VPS13D: variants seen among roughly 807,000 people sequenced by gnomAD.
VPS13D encodes the protein intermembrane lipid transfer protein VPS13D.
A neutral mutation model predicts 461.9 loss-of-function variants in VPS13D; 187 were observed. The observed-to-expected ratio is 0.40, with a 90% CI of 0.36 to 0.46. VPS13D has a LOEUF of 0.46. Ranked by LOEUF, VPS13D falls within the 20% of genes least tolerant of loss-of-function variation. VPS13D has a pLI of 0.60. For synonymous variants in VPS13D, 1,951 were observed against 1,986.3 expected, an observed-to-expected ratio of 0.98 and a Z score of 0.47; for missense variants, 4,711 against 5,364.9, an observed-to-expected ratio of 0.88 and a Z score of 3.81.
Position 12,244,527 on chromosome 1 carries a change from G to T in VPS13D, c.367-10G>T, listed in dbSNP as rs766531114. On this transcript the variant is annotated splice_polypyrimidine_tract_variant and intron_variant, in intron 4 of 69. Coordinates refer to ENST00000620676, the MANE Select transcript of VPS13D (RefSeq NM_015378.4). ...CTAGATTGAGCTAATGCTGACTCTT[G>T]TCTTTGTAGAATGACCGCCAGCAGA... 39 of 1,614,066 alleles carry T rather than the reference G, an allele frequency of 2.4e-5. No individual in the cohort carries two copies. The highest frequency in any genetic ancestry group is 3.1e-5 in the Non-Finnish European group (37 of 1,180,008).
Position 12,308,424 on chromosome 1 carries a change from C to A in VPS13D, c.6440-7C>A. The A allele has an allele frequency of 1.9e-6, 3 of 1,614,064 alleles. No individual in the cohort carries two copies. The highest frequency in any genetic ancestry group is 2.5e-6 in the Non-Finnish European group (3 of 1,180,012). On this transcript the variant is annotated splice_polypyrimidine_tract_variant and splice_region_variant and intron_variant, in intron 26 of 69. Coordinates refer to ENST00000620676, the MANE Select transcript of VPS13D (RefSeq NM_015378.4). ...TTCATTACCTCTCTTTCCTTGGGTC[C>A]TTGTAGAAGACCATGTCTGCCTGCT...
rs751982470 is a variant in VPS13D, at chr1:12,299,224, G to A, written c.6056G>A (p.Cys2019Tyr). ...GQTVRDQAQR[C>Y]SRVLLDIEAG... ...CAGGTGAGAGATCAAGCCCAGCGCT[G>A]TTCACGGGTTCTCCTGGATATTGAG... The change falls in exon 25 of 70, where the codon TGT (cysteine) becomes TAT (tyrosine). Residue 2019 changes from cysteine (C) to tyrosine (Y), a missense_variant. Around this residue, in one of 3 missense-constraint regions of VPS13D, gnomAD observed 4,411 missense variants for 4,937.8 expected, o/e 0.89. Coordinates refer to ENST00000620676, the MANE Select transcript of VPS13D (RefSeq NM_015378.4). The surrounding 1 kb of genome is among the most constrained non-coding windows in gnomAD (Gnocchi z 4.2). The A allele has an allele frequency of 5.6e-6, 9 of 1,612,408 alleles. No homozygotes were observed. The African/African-American group carries it at 6.7e-5, about 12-fold the overall frequency.
chr1:12,248,172 A>C (rs1337998792), intron 5 of VPS13D, among the ~76,000 whole-genome samples: 4 of 151,960 alleles, frequency 2.6e-5, no homozygotes, highest in African/African-American at 9.7e-5. Flanking sequence ...TACAGGCATG[A>C]TCCACCGTGC....
intron 68 of VPS13D, chr1:12,500,032 C>T (rs1393178364): frequency 7.1e-6 from 7 of 985,158 alleles, no homozygotes; most frequent in African/African-American, 5.2e-5. Flanking sequence ...TAAATGTTTC[C>T]ACATTTTTTT....
At chr1:12,255,658 T>A (rs899163711) in intron 7 of VPS13D, among the ~76,000 whole-genome samples, 1 of 151,824 alleles carries the variant, frequency 6.6e-6, no homozygotes, top group African/African-American at 2.4e-5. Flanking sequence ...CTTGGGAGAC[T>A]GAGGTGGGCG....
In VPS13D at chr1:12,271,066, T is replaced by C; in HGVS notation, c.2045T>C (p.Met682Thr). The C allele has an allele frequency of 1.9e-6, 3 of 1,614,024 alleles. No homozygotes were observed. Among genetic ancestry groups the C allele is most frequent in the Middle Eastern group, 1.6e-4 (1 of 6,062 alleles). ...CGAAGACAATATAACAAGCTGAAGATGCAGACCAAGGCAGAAATCCGGCAA... is the reference window on the plus strand; with the variant it reads ...CGAAGACAATATAACAAGCTGAAGACGCAGACCAAGGCAGAAATCCGGCAA... ...AARRQYNKLK[M>T]QTKAEIRQTL... Residue 682 changes from methionine to threonine, a missense_variant, in exon 17 of 70, where the codon ATG becomes ACG. Met to Thr is a moderately conservative substitution (Grantham distance 81). Coordinates refer to ENST00000620676, the MANE Select transcript of VPS13D (RefSeq NM_015378.4).
In VPS13D at chr1:12,244,453, C is replaced by G. The variant is rs780827279; in HGVS notation, c.366+17C>G. ...AAATGGAAGGCAAGGCAGAGATCTT[C>G]TGGGCCATAAGAGCAGTTGTGGTGA... On this transcript the variant is annotated intron_variant, in intron 4 of 69. Transcript: ENST00000620676. 29 of 1,613,900 alleles carry G rather than the reference C, an allele frequency of 1.8e-5. No individual in the cohort carries two copies. The highest frequency in any genetic ancestry group is 2.1e-5 in the Non-Finnish European group (25 of 1,179,926).
intron 64 of VPS13D, 75 bp downstream of exon 64, chr1:12,415,296 A>C (rs1644779767): frequency 6.3e-7 from 1 of 1,591,046 alleles, no homozygotes. Flanking sequence ...AATTTTGGTT[A>C]CTAAGGCATT....
intron 57 of VPS13D, among the ~76,000 whole-genome samples, chr1:12,379,861 C>G (rs1334679054): frequency 1.3e-5 from 2 of 151,776 alleles, no homozygotes; most frequent in Non-Finnish European, 2.9e-5. Context: ...CTCCGCCTCC[C>G]GGGTTCACGC....
At chr1:12,379,775 T>C (rs905139342) in intron 57 of VPS13D, among the ~76,000 whole-genome samples, 179 bp downstream of exon 57, 1 of 151,878 alleles carries the variant, frequency 6.6e-6, no homozygotes, top group African/African-American at 2.4e-5. Flanking sequence ...TTGTGTATTT[T>C]TTTTTTTTTT....
At position 12,276,243 on chromosome 1, in the gene VPS13D, C is replaced by T; in HGVS notation, c.2655C>T (p.His885=). Residue 885 remains histidine (H), a synonymous_variant, in exon 19 of 70, where the codon CAC becomes CAT. Coordinates refer to ENST00000620676, the MANE Select transcript of VPS13D (RefSeq NM_015378.4). This position sits in a 1 kb window ranked among gnomAD's most constrained non-coding sequence, Gnocchi z 4.5. ...GCAACTTACCAGACTTAAAAATCCA[C>T]ATTAATGAAGATAAAATATCTGCAC... ...LSGNLPDLKI[H]INEDKISALK... The T allele has an allele frequency of 6.2e-7, 1 of 1,614,032 alleles. No individual in the cohort carries two copies. The highest frequency in any genetic ancestry group is 8.5e-7 in the Non-Finnish European group (1 of 1,180,026).
intron 65 of VPS13D, among the ~76,000 whole-genome samples, chr1:12,455,784 T>C (rs1264769370): frequency 1.3e-5 from 2 of 151,978 alleles, no homozygotes; most frequent in East Asian, 3.9e-4. Flanking sequence ...CCAGGTGTGG[T>C]GGTACACACC....
rs772472217 is a variant in VPS13D, at chr1:12,473,573, C to T, written c.12662+13177C>T. The stretch of plus-strand genomic sequence containing the variant: ...ATATGCCTACCTCGGTGGGTGGTTA[C>T]GTGGATTAAATTATATCATGTATAT... On this transcript the variant is annotated intron_variant, in intron 67 of 69. Coordinates refer to ENST00000620676, the MANE Select transcript of VPS13D (RefSeq NM_015378.4). This position sits in a 1 kb window ranked among gnomAD's most constrained non-coding sequence, Gnocchi z 4.2. 3.3e-5 allele frequency among the ~76,000 whole-genome samples: 5 copies of T among 151,940 alleles called. No individual in the cohort carries two copies. The highest frequency in any genetic ancestry group is 7.3e-5 in the African/African-American group (3 of 41,328).
intron 36 of VPS13D, among the ~76,000 whole-genome samples, chr1:12,329,044 A>G (rs1194945977): frequency 6.6e-6 from 1 of 152,156 alleles, no homozygotes; most frequent in African/African-American, 2.4e-5. Context: ...TAAAAGTGAC[A>G]ACTGGAATTT....
chr1:12,398,333 G>A (rs1017553171), intron 60 of VPS13D, among the ~76,000 whole-genome samples: 1 of 151,940 alleles, frequency 6.6e-6, no homozygotes, highest in Non-Finnish European at 1.5e-5. Flanking sequence ...CAAGCTGTGC[G>A]AATGAGGGCA....
chr1:12,473,622 C>T lies in VPS13D; in HGVS notation c.12662+13226C>T, dbSNP rs1206562023. Among the ~76,000 whole-genome samples, 3 of 152,134 alleles carry T rather than the reference C, an allele frequency of 2.0e-5. No individual in the cohort carries two copies. The highest frequency in any genetic ancestry group is 7.2e-5 in the African/African-American group (3 of 41,410). ...ATAAAGCACTCAGCCTGGCATGTGG[C>T]ATGCAGGTAGGGCTCAAGAAATGGT... On this transcript the variant is annotated intron_variant, in intron 67 of 69. Coordinates refer to ENST00000620676, the MANE Select transcript of VPS13D (RefSeq NM_015378.4). The surrounding 1 kb of genome is among the most constrained non-coding windows in gnomAD (Gnocchi z 4.2).
intron 54 of VPS13D, among the ~76,000 whole-genome samples, chr1:12,373,478 T>C (rs1451807957): frequency 2.0e-5 from 3 of 151,986 alleles, no homozygotes. Context: ...GTTATACTTT[T>C]GCATCTGAAT....
chr1:12,282,611 G>A, intron 20 of VPS13D, 94 bp from the exon 21 acceptor site: 1 of 1,222,844 alleles, frequency 8.2e-7, no homozygotes, highest in Admixed American at 2.2e-5. Context: ...ACAGCCTCAT[G>A]TAGGAATCAT....
At chr1:12,423,521 A>C (rs1380374090) in intron 65 of VPS13D, among the ~76,000 whole-genome samples, 1 of 152,250 alleles carries the variant, frequency 6.6e-6, no homozygotes, top group Non-Finnish European at 1.5e-5. Context: ...CGAGAAATTC[A>C]GACAGTTCAG....
Sources: allele counts gnomAD v4.1 joint callset (sites outside exome capture counted in the v4.1 genomes callset), GRCh38; gene constraint gnomAD v4.1.1; regional missense constraint gnomAD v4.1.1; non-coding constraint Gnocchi (gnomAD v3.1); transcripts MANE v1.5; gene names NCBI Gene and HGNC (gene_info 2026-07-23, HGNC 2026-07-21).